KLHL2: variants seen among roughly 807,000 people sequenced by gnomAD.
The protein encoded by KLHL2 is kelch-like protein 2.
In KLHL2, 15 loss-of-function variants were observed where a neutral mutation model predicts 75.8. The observed-to-expected ratio is 0.20, with a 90% CI of 0.13 to 0.30. KLHL2 has a LOEUF of 0.30. Ranked by LOEUF, KLHL2 falls within the 10% of genes least tolerant of loss-of-function variation. The probability of loss-of-function intolerance (pLI) is 1.00; values close to 1 mark genes in which losing one functional copy is unlikely to be tolerated. For synonymous variants in KLHL2, 214 were observed against 251.9 expected (o/e 0.85, Z 1.42); for missense variants, 381 against 741.0 (o/e 0.51, Z 5.64).
At position 165,316,147 on chromosome 4, in the gene KLHL2, T is replaced by A. The variant is rs1377386106; in HGVS notation, c.1610-1679T>A. Among the ~76,000 whole-genome samples the A allele has an allele frequency of 2.0e-5, 3 of 152,190 alleles. No individual in the cohort carries two copies. In the East Asian group the frequency reaches 5.8e-4, roughly 29 times the overall value. ...AGTTAGTGGGTTAGTAAAATTGATG[T>A]CTTCTGAATGTATAGCTAAGATATT... On this transcript the variant is annotated intron_variant, in intron 13 of 14. Transcript: ENST00000226725.
At chr4:165,301,493 T>G (rs913785787) in intron 8 of KLHL2, among the ~76,000 whole-genome samples, 2 of 152,220 alleles carry the variant, frequency 1.3e-5, no homozygotes, top group Non-Finnish European at 2.9e-5. Flanking sequence ...AATACCTCAG[T>G]ATTCATGCCA....
chr4:165,271,299 ATTTG>A (rs1380170161), intron 5 of KLHL2, among the ~76,000 whole-genome samples: 1 of 152,082 alleles, frequency 6.6e-6, no homozygotes, highest in Non-Finnish European at 1.5e-5. Flanking sequence ...ATGTATTTCC[ATTTG>A]TTTGTATCAT....
chr4:165,214,966 T>C (rs1737438482), intron 1 of KLHL2, among the ~76,000 whole-genome samples: 1 of 152,040 alleles, frequency 6.6e-6, no homozygotes, highest in African/African-American at 2.4e-5. Context: ...ACAAGATACC[T>C]CATATTCAGT....
intron 4 of KLHL2, among the ~76,000 whole-genome samples, chr4:165,254,665 TAGAA>T (rs1741022034): frequency 6.6e-6 from 1 of 152,204 alleles, no homozygotes; most frequent in Non-Finnish European, 1.5e-5. Flanking sequence ...TGGGAGGTGC[TAGAA>T]AGAAAAGTAA....
rs752912453 is a variant in KLHL2, at chr4:165,299,619, T to A, written c.884T>A (p.Val295Asp). 8.7e-6 allele frequency: 14 copies of A among 1,613,226 alleles called. No individual in the cohort carries two copies. Among genetic ancestry groups the A allele is most frequent in the Non-Finnish European group, 1.2e-5 (14 of 1,179,808 alleles). ...GAGCAGCGTATATTAATGAAGAGTG[T>A]CCGGACCCGGCTGAGGACACCCATG... is the stretch of plus-strand genomic sequence containing the variant. ...PTEQRILMKS[V>D]RTRLRTPMNL... Residue 295 changes from valine to aspartate, a missense_variant, in exon 8 of 15, where the codon GTC becomes GAC. Physicochemically the swap from Val to Asp is radical, Grantham distance 152. Transcript: ENST00000226725.
chr4:165,306,413 A>C (rs571897361), intron 9 of KLHL2, among the ~76,000 whole-genome samples: 1 of 152,320 alleles, frequency 6.6e-6, no homozygotes, highest in Non-Finnish European at 1.5e-5. Flanking sequence ...GAGCATTACA[A>C]ATGTTTTTAA....
intron 7 of KLHL2, among the ~76,000 whole-genome samples, chr4:165,299,258 T>A (rs1249005557): frequency 6.6e-6 from 1 of 152,216 alleles, no homozygotes; most frequent in African/African-American, 2.4e-5. Context: ...CATTGAAGTT[T>A]ATCATTTTTC....
At position 165,314,268 on chromosome 4, in the gene KLHL2, T is replaced by C. The variant is rs531140174; in HGVS notation, c.1609+102T>C. 3.1e-4 allele frequency: 355 copies of C among 1,141,942 alleles called. 4 individuals carry two copies. The South Asian group carries it at 5.0e-3, about 16-fold the overall frequency. The allele number at this position is 1,141,942 out of a possible 1,614,324, so 70.7% of individuals were successfully genotyped here. A position where few individuals can be genotyped will look rare whatever the true frequency, so the allele number is the denominator to read the frequency against. On this transcript the variant is annotated intron_variant, in intron 13 of 14. Coordinates refer to ENST00000226725, the MANE Select transcript of KLHL2 (RefSeq NM_007246.4). ...TATCAATGGTATTTCCATTGTTCTTTTACTGATCTGGGTTCCCTGATAGAC... is the reference window on the plus strand; with the variant it reads ...TATCAATGGTATTTCCATTGTTCTTCTACTGATCTGGGTTCCCTGATAGAC...
At chr4:165,214,893 GT>G (rs72078166) in intron 1 of KLHL2, among the ~76,000 whole-genome samples, 35,860 of 148,128 alleles carry the variant, frequency 0.24, 4,486 homozygotes, top group African/African-American at 0.29. Flanking sequence ...AAGATCAGAA[GT>G]TTTTTTTTTT....
At chr4:165,208,041 G>C (rs1736948636) in intron 1 of KLHL2, 139 bp downstream of exon 1, 1 of 475,696 alleles carries the variant, frequency 2.1e-6, no homozygotes, top group African/African-American at 2.1e-5. Context: ...ACGAGGCGCT[G>C]TGCCCGCAGT....
chr4:165,264,678 A>ATGTGTGTG (rs1202309635), intron 5 of KLHL2, among the ~76,000 whole-genome samples: 1 of 64,818 alleles, frequency 1.5e-5, no homozygotes, highest in African/African-American at 4.5e-5. Flanking sequence ...ACATACGTAT[A>ATGTGTGTG]TGTATGTGTG....
At chr4:165,317,405 C>G (rs1305097986) in intron 13 of KLHL2, among the ~76,000 whole-genome samples, 9 of 151,384 alleles carry the variant, frequency 5.9e-5, no homozygotes, top group African/African-American at 1.9e-4. Context: ...CTCTGTTGCC[C>G]AGGCTGGAGA....
intron 4 of KLHL2, among the ~76,000 whole-genome samples, chr4:165,247,482 A>G (rs1740356386): frequency 6.6e-6 from 1 of 152,184 alleles, no homozygotes; most frequent in African/African-American, 2.4e-5. Context: ...GTTAATTAGA[A>G]TAACCTAGTA....
chr4:165,323,081 A>G lies in KLHL2; in HGVS notation c.*1021A>G, dbSNP rs1747090977. On this transcript the variant is annotated 3_prime_UTR_variant, in exon 15 of 15. Coordinates refer to ENST00000226725, the MANE Select transcript of KLHL2 (RefSeq NM_007246.4). ...ACAGTTTTTCTGAGATCTTCAATTA[A>G]TCTCACTTTAAAAATGACCAAAACA... The G allele has an allele frequency of 6.6e-6, 1 of 152,654 alleles. No homozygotes were observed. Among genetic ancestry groups the G allele is most frequent in the Non-Finnish European group, 1.5e-5 (1 of 68,026 alleles). The allele number at this position is 152,654 out of a possible 1,614,324, so 9.5% of individuals were successfully genotyped here.
chr4:165,299,139 G>A (rs1425326602), intron 7 of KLHL2, among the ~76,000 whole-genome samples: 2 of 152,090 alleles, frequency 1.3e-5, no homozygotes, highest in Non-Finnish European at 2.9e-5. Context: ...TTCACCTGAA[G>A]GATGTATTAT....
In KLHL2 at chr4:165,314,280, G is replaced by T; in HGVS notation, c.1609+114G>T. 6.0e-6 allele frequency: 6 copies of T among 1,001,000 alleles called. No homozygotes were observed. The Middle Eastern group carries it at 1.3e-3, about 210-fold the overall frequency. The allele number at this position is 1,001,000 out of a possible 1,614,324, so 62.0% of individuals were successfully genotyped here. On this transcript the variant is annotated intron_variant, in intron 13 of 14. Coordinates refer to ENST00000226725, the MANE Select transcript of KLHL2 (RefSeq NM_007246.4). ...TTCCATTGTTCTTTTACTGATCTGG[G>T]TTCCCTGATAGACTCTGAACTCTTT...
intron 14 of KLHL2, 65 bp from the exon 15 acceptor site, chr4:165,321,967 T>G (rs199737771): frequency 1.5e-6 from 2 of 1,371,314 alleles, no homozygotes; most frequent in East Asian, 2.3e-5. Context: ...AAGAATTGAG[T>G]GTTTTCTCAG....
At chr4:165,215,603 A>G (rs1737483996) in intron 1 of KLHL2, among the ~76,000 whole-genome samples, 1 of 152,186 alleles carries the variant, frequency 6.6e-6, no homozygotes, top group Admixed American at 6.5e-5. Flanking sequence ...TGAGGTGAAC[A>G]GGCAAAGGGG....
chr4:165,273,564 TAGTA>T (rs943793098), intron 5 of KLHL2, among the ~76,000 whole-genome samples: 1 of 152,202 alleles, frequency 6.6e-6, no homozygotes, highest in African/African-American at 2.4e-5. Flanking sequence ...GTTCTTGTGA[TAGTA>T]AGTCTCACAA....
Sources: allele counts gnomAD v4.1 joint callset (sites outside exome capture counted in the v4.1 genomes callset), GRCh38; gene constraint gnomAD v4.1.1; transcripts MANE v1.5; gene names NCBI Gene and HGNC (gene_info 2026-07-23, HGNC 2026-07-21).